Variants in PSD3 observed in about 807,000 individuals in gnomAD.
PSD3 encodes pleckstrin and Sec7 domain containing 3.
In PSD3, 49 loss-of-function variants were observed where a neutral mutation model predicts 105.5. The observed-to-expected ratio is 0.46, with a 90% confidence interval of 0.37 to 0.59. The LOEUF is 0.59. Among genes scored for constraint, PSD3 ranks in the 20% least tolerant of loss-of-function variants. The pLI is 0.00. For missense variants in PSD3, 1,561 were observed against 1,263.8 expected (o/e 1.24, Z -3.57); for synonymous variants, 557 against 457.8 (o/e 1.22, Z -2.77).
At chr8:19,026,701 CAAAAAAAAA>C (rs10669321) in intron 1 of PSD3, among the ~76,000 whole-genome samples, 5 of 82,242 alleles carry the variant, frequency 6.1e-5, no homozygotes, top group South Asian at 6.0e-4. Flanking sequence ...CACATCTCTA[CAAAAAAAAA>C]AAAAAAAAAA....
chr8:18,705,534 C>CAAAAAAA (rs34331384), intron 9 of PSD3, among the ~76,000 whole-genome samples: 3 of 88,430 alleles, frequency 3.4e-5, no homozygotes, highest in African/African-American at 9.3e-5. Context: ...CTGTCTCAAG[C>CAAAAAAA]AAAAAAAAAA....
At chr8:19,015,111 TG>T (rs1400055670), upstream of PSD3, among the ~76,000 whole-genome samples, 1 of 152,094 alleles carries the variant, frequency 6.6e-6, no homozygotes, top group Non-Finnish European at 1.5e-5. Context: ...AGGAACCTTG[TG>T]GGAGGTGATT....
At chr8:18,720,755 C>T (rs1417137289) in intron 9 of PSD3, 1 of 152,150 alleles carries the variant, frequency 6.6e-6, no homozygotes, top group Non-Finnish European at 1.5e-5. Context: ...GATGCATTTG[C>T]TCAGTGCGTT....
In PSD3 at chr8:19,053,924, C is replaced by T. The variant is rs185923055; in HGVS notation, c.324+30282G>A. Among the ~76,000 whole-genome samples, 9 of 152,310 alleles carry T rather than the reference C, an allele frequency of 5.9e-5. No homozygotes were observed. The East Asian group carries it at 1.7e-3, about 29-fold the overall frequency. The stretch of plus-strand genomic sequence containing the variant: ...TTGTTCACCTAAGGAAGGTTGCAGT[C>T]TTGGAGTTACAAGACTGCTTACTTG... On this transcript the variant is annotated intron_variant, in intron 1 of 1. Transcript: ENST00000521475.
At chr8:18,835,668 C>A (rs1030686317) in intron 4 of PSD3, among the ~76,000 whole-genome samples, 1 of 152,122 alleles carries the variant, frequency 6.6e-6, no homozygotes, top group Non-Finnish European at 1.5e-5. Flanking sequence ...CAGGTAAGTG[C>A]CCAACAGAAG....
intron 8 of PSD3, among the ~76,000 whole-genome samples, chr8:18,772,036 C>T (rs956896817): frequency 6.6e-6 from 1 of 152,150 alleles, no homozygotes; most frequent in Non-Finnish European, 1.5e-5. Context: ...AAGGTTCATC[C>T]ATGTTGTAGC....
chr8:18,657,233 A>G (rs1808968113), intron 9 of PSD3, among the ~76,000 whole-genome samples: 3 of 152,022 alleles, frequency 2.0e-5, no homozygotes, highest in Admixed American at 2.0e-4. Context: ...TCAAGTGTTT[A>G]CATGTGTGTA....
chr8:18,603,272 T>C (rs1217306466), intron 11 of PSD3, among the ~76,000 whole-genome samples: 3 of 152,206 alleles, frequency 2.0e-5, no homozygotes, highest in African/African-American at 7.2e-5. Flanking sequence ...GCCTCTAACC[T>C]TACTTTGGCT....
chr8:18,820,511 G>A (rs1812606907), intron 4 of PSD3, among the ~76,000 whole-genome samples: 1 of 152,070 alleles, frequency 6.6e-6, no homozygotes, highest in African/African-American at 2.4e-5. Context: ...ACACTCTGCT[G>A]TATACCTTAA....
At chr8:18,567,749 C>G (rs1563330154) in intron 14 of PSD3, among the ~76,000 whole-genome samples, 1 of 152,158 alleles carries the variant, frequency 6.6e-6, no homozygotes, top group African/African-American at 2.4e-5. Flanking sequence ...ATTCCCCCAT[C>G]AAAGAAGGCC....
intron 9 of PSD3, among the ~76,000 whole-genome samples, chr8:18,716,543 G>A (rs1022501177): frequency 6.6e-6 from 1 of 152,138 alleles, no homozygotes; most frequent in African/African-American, 2.4e-5. Flanking sequence ...CTTGGGCAGT[G>A]GGAGAGGAAA....
intron 11 of PSD3, among the ~76,000 whole-genome samples, chr8:18,625,776 T>C (rs1217365886): frequency 6.6e-6 from 1 of 152,170 alleles, no homozygotes; most frequent in East Asian, 1.9e-4. Flanking sequence ...TCTTCATGTA[T>C]AAAATGAGGA....
At chr8:18,627,095 G>A (rs1198130720) in intron 11 of PSD3, among the ~76,000 whole-genome samples, 2 of 151,982 alleles carry the variant, frequency 1.3e-5, no homozygotes, top group African/African-American at 4.8e-5. Context: ...AAACTTTTTA[G>A]ACATTTCAAA....
At chr8:19,084,469 T>A (rs1437521753) in exon 1 of PSD3, 1 of 453,596 alleles carries the variant, frequency 2.2e-6, no homozygotes, top group African/African-American at 2.0e-5. Context: ...AGATCCTGGG[T>A]GGCAGAAGTG....
At chr8:18,730,128 GT>G in intron 9 of PSD3, 1 of 152,272 alleles carries the variant, frequency 6.6e-6, no homozygotes, top group Middle Eastern at 3.4e-3. Context: ...AATATGCTGT[GT>G]TTTTCCCAAG....
At chr8:18,690,830 G>T (rs1053240325) in intron 9 of PSD3, among the ~76,000 whole-genome samples, 18 of 152,196 alleles carry the variant, frequency 1.2e-4, no homozygotes, top group African/African-American at 4.3e-4. Flanking sequence ...GATTTCCCCT[G>T]CCCCTTCTCA....
At chr8:18,816,615 T>C (rs1393055652) in intron 4 of PSD3, among the ~76,000 whole-genome samples, 2 of 152,248 alleles carry the variant, frequency 1.3e-5, no homozygotes, top group African/African-American at 4.8e-5. Context: ...TATTTAAACA[T>C]TGACTATGTG....
chr8:19,067,726 G>A (rs962780543), intron 1 of PSD3, among the ~76,000 whole-genome samples: 2 of 152,130 alleles, frequency 1.3e-5, no homozygotes, highest in Non-Finnish European at 2.9e-5. Flanking sequence ...AAGCAGGCAG[G>A]AGCTGTTCTC....
chr8:18,828,067 A>ATATATATATATTTTT (rs371473289), intron 4 of PSD3, among the ~76,000 whole-genome samples: 4 of 118,882 alleles, frequency 3.4e-5, no homozygotes, highest in African/African-American at 1.4e-4. Flanking sequence ...ATATATATAT[A>ATATATATATATTTTT]TTTTTTTTTT....
Sources: gnomAD v4.1 joint callset for allele counts (sites outside exome capture counted in the v4.1 genomes callset) on GRCh38, gnomAD v4.1.1 for gene constraint, MANE v1.5 for transcripts, NCBI Gene and HGNC (gene_info 2026-07-23, HGNC 2026-07-21) for gene names.